CAPRIN1: variants seen among roughly 807,000 people sequenced by gnomAD.
CAPRIN1 encodes the protein cell cycle associated protein 1.
A neutral mutation model predicts 100.9 loss-of-function variants in CAPRIN1; 29 were observed. The ratio of observed to expected loss-of-function variants is 0.29; its 90% confidence interval spans 0.21 to 0.39. The LOEUF (loss-of-function observed/expected upper bound fraction) is 0.39. Ranked by LOEUF, CAPRIN1 falls within the 10% of genes least tolerant of loss-of-function variation. The pLI is 1.00. For synonymous variants in CAPRIN1, 338 were observed against 307.5 expected (o/e 1.10, Z -1.04); for missense variants, 795 against 876.7 (o/e 0.91, Z 1.18).
chr11:34,056,610 T>C (rs1850458532), intron 2 of CAPRIN1: 1 of 147,532 alleles, frequency 6.8e-6, no homozygotes, highest in African/African-American at 2.4e-5. Flanking sequence ...TAGTTTTCTT[T>C]ATCAGTTCAT....
chr11:34,094,225 G>A (rs953184679), intron 15 of CAPRIN1, among the ~76,000 whole-genome samples: 1 of 151,884 alleles, frequency 6.6e-6, no homozygotes, highest in Non-Finnish European at 1.5e-5. Context: ...TGCAACCTCC[G>A]CCTCTTAGGT....
In CAPRIN1 at chr11:34,052,444, C is replaced by G; in HGVS notation, c.24C>G (p.Ser8Arg). 1 of 1,607,068 alleles carries G rather than the reference C, an allele frequency of 6.2e-7. No individual in the cohort carries two copies. MPSATSH[S>R]GSGSKSSGPP... Reference sequence around the variant, plus strand: ...AGATGCCCTCGGCCACCAGCCACAGCGGGAGCGGCAGCAAGTCGTCCGGAC... The same window carrying G: ...AGATGCCCTCGGCCACCAGCCACAGGGGGAGCGGCAGCAAGTCGTCCGGAC... Residue 8 changes from serine (S) to arginine (R), a missense_variant, in exon 2 of 19, where the codon AGC (serine) becomes AGG (arginine). By Grantham distance (110) the Ser-to-Arg change is moderately radical. Transcript: ENST00000341394.
At chr11:34,059,308 G>A (rs976084415) in intron 2 of CAPRIN1, among the ~76,000 whole-genome samples, 6 of 145,038 alleles carry the variant, frequency 4.1e-5, no homozygotes, top group Non-Finnish European at 9.0e-5. Flanking sequence ...TTGCTGTGTC[G>A]CCCAGGCTGG....
chr11:34,082,740 C>T (rs921546942), intron 7 of CAPRIN1, 85 bp from the exon 8 acceptor site: 38 of 897,324 alleles, frequency 4.2e-5, no homozygotes, highest in South Asian at 2.6e-4. Flanking sequence ...TGCATAATGA[C>T]GTGTATCTAC....
rs146685829 is a variant in CAPRIN1 at position 34,082,541 on chromosome 11, G to T, written c.827-284G>T. 4.3e-3 allele frequency among the ~76,000 whole-genome samples: 656 copies of T among 152,298 alleles called. 6 individuals are homozygous for T. Among genetic ancestry groups the T allele is most frequent in the African/African-American group, 0.015 (617 of 41,574 alleles). On this transcript the variant is annotated intron_variant, in intron 7 of 18. Coordinates refer to ENST00000341394, the MANE Select transcript of CAPRIN1 (RefSeq NM_005898.5). Reference sequence around the variant, plus strand: ...CTCACAGCAAAACTGAACAGAAGGTGTAGAGATTTCCCATTTACTTTCTAC... The same window carrying T: ...CTCACAGCAAAACTGAACAGAAGGTTTAGAGATTTCCCATTTACTTTCTAC...
chr11:34,066,840 G>A (rs1242472917), intron 2 of CAPRIN1, among the ~76,000 whole-genome samples: 4 of 149,562 alleles, frequency 2.7e-5, no homozygotes, highest in Non-Finnish European at 5.9e-5. Context: ...CACCATGTTG[G>A]CCAGGCTGGT....
At chr11:34,081,618 C>G (rs144300970) in intron 7 of CAPRIN1, among the ~76,000 whole-genome samples, 1 of 151,992 alleles carries the variant, frequency 6.6e-6, no homozygotes, top group Non-Finnish European at 1.5e-5. Flanking sequence ...TTTAGCCTCT[C>G]GAGTAGCTGG....
At chr11:34,052,985 C>T (rs1157125016) in intron 2 of CAPRIN1, 4 of 1,065,180 alleles carry the variant, frequency 3.8e-6, no homozygotes, top group East Asian at 9.2e-5. Flanking sequence ...CTTTCCGTCT[C>T]TGAGGCCCGA....
At position 34,052,572 on chromosome 11, in the gene CAPRIN1, C is replaced by G. The variant is rs753794916; in HGVS notation, c.152C>G (p.Thr51Ser). 4 of 1,610,928 alleles carry G rather than the reference C, an allele frequency of 2.5e-6. No homozygotes were observed. Among genetic ancestry groups the G allele is most frequent in the East Asian group, 2.2e-5 (1 of 44,782 alleles). Residue 51 changes from threonine to serine, a missense_variant, in exon 2 of 19, where the codon ACC becomes AGC. Physicochemically the swap from Thr to Ser is moderately conservative, Grantham distance 58 (BLOSUM62 1). This residue lies in a region of CAPRIN1 where 109 missense variants were observed against 86.6 expected (regional missense o/e 1.26). Coordinates refer to ENST00000341394, the MANE Select transcript of CAPRIN1 (RefSeq NM_005898.5). ...GCAACCGGCACCGGCGCTGTCCAGA[C>G]CGAGGCCATGAAGCAGATTCTCGGG... The part of the protein sequence containing the change: ...HPATGTGAVQ[T>S]EAMKQILGVI...
At chr11:34,085,802 T>C (rs1483516320) in intron 9 of CAPRIN1, among the ~76,000 whole-genome samples, 1 of 151,910 alleles carries the variant, frequency 6.6e-6, no homozygotes, top group East Asian at 1.9e-4. Flanking sequence ...AGATTCCGTC[T>C]CGAAAGAAAA....
intron 2 of CAPRIN1, among the ~76,000 whole-genome samples, chr11:34,060,338 AT>A (rs1177278411): frequency 6.6e-6 from 1 of 152,124 alleles, no homozygotes; most frequent in Admixed American, 6.6e-5. Context: ...TGTTCTAAAA[AT>A]ATTTTAATTT....
intron 6 of CAPRIN1, among the ~76,000 whole-genome samples, chr11:34,079,422 C>T (rs751744033): frequency 2.6e-5 from 4 of 152,094 alleles, no homozygotes; most frequent in South Asian, 4.2e-4. Context: ...ACAAAAACCC[C>T]GTAAAGTTTA....
chr11:34,052,323 C>G (rs1026345712), intron 1 of CAPRIN1, 98 bp from the exon 2 acceptor site: 7 of 1,019,426 alleles, frequency 6.9e-6, no homozygotes, highest in African/African-American at 1.7e-5. Context: ...GGCTACCGCT[C>G]GCTGCGCGTT....
At chr11:34,098,366 G>A (rs1469130394) in intron 18 of CAPRIN1, 1 of 984,952 alleles carries the variant, frequency 1.0e-6, no homozygotes, top group Admixed American at 6.2e-5. Context: ...AAAATTACAG[G>A]TTTAGAGAGT....
At position 34,089,456 on chromosome 11, in the gene CAPRIN1, G is replaced by A; in HGVS notation, c.1293G>A (p.Gln431=). 6.3e-7 allele frequency: 1 copy of A among 1,587,222 alleles called. No homozygotes were observed. Among genetic ancestry groups the A allele is most frequent in the Non-Finnish European group, 8.6e-7 (1 of 1,158,486 alleles). ...NQVPVQPEAT[Q]VPLVSSTSEG... ...TTCCTGTACAACCAGAAGCGACACA[G>A]GTAAGAGTGATAAAACTATTTTCTT... is the stretch of plus-strand genomic sequence containing the variant. Residue 431 remains glutamine, a splice_region_variant and synonymous_variant, in exon 12 of 19, where the codon CAG becomes CAA. Coordinates refer to ENST00000341394, the MANE Select transcript of CAPRIN1 (RefSeq NM_005898.5).
Position 34,056,086 on chromosome 11 carries a change from T to C in CAPRIN1, c.216+3450T>C, listed in dbSNP as rs944937059. ...AATAGGATTGCTTTACAAATCAGTTTTGAATTCCTCTTTAGAAACCCTTGT... is the reference window on the plus strand; with the variant it reads ...AATAGGATTGCTTTACAAATCAGTTCTGAATTCCTCTTTAGAAACCCTTGT... On this transcript the variant is annotated intron_variant, in intron 2 of 18. Transcript: ENST00000341394. 5.9e-5 allele frequency among the ~76,000 whole-genome samples: 9 copies of C among 152,320 alleles called. No homozygotes were observed. The East Asian group carries it at 1.7e-3, about 29-fold the overall frequency.
At chr11:34,097,952 C>T (rs929439823) in intron 18 of CAPRIN1, 191 bp downstream of exon 18, 49 of 1,352,602 alleles carry the variant, frequency 3.6e-5, no homozygotes, top group Non-Finnish European at 4.4e-5. Context: ...ATTTAATTTT[C>T]CCTGTTACTA....
At chr11:34,052,870 G>A in intron 2 of CAPRIN1, 2 of 1,411,752 alleles carry the variant, frequency 1.4e-6, no homozygotes, top group East Asian at 2.7e-5. Context: ...CTGTACCCCA[G>A]GCCTCTTTAT....
rs867402059 is a variant in CAPRIN1, at chr11:34,090,189, T to A, written c.1304T>A (p.Val435Glu). The change falls in exon 13 of 19, where the codon GTA (valine) becomes GAA (glutamate). Residue 435 changes from valine (V) to glutamate (E), a missense_variant. Around this residue, in one of 3 missense-constraint regions of CAPRIN1, gnomAD observed 648 missense variants for 697.9 expected, o/e 0.93. Transcript: ENST00000341394. ...TTTACTTATGTCTAGGTTCCTTTGGTATCATCCACAAGTGAGGGGTACACA... is the reference window on the plus strand; with the variant it reads ...TTTACTTATGTCTAGGTTCCTTTGGAATCATCCACAAGTGAGGGGTACACA... ...VQPEATQVPL[V>E]SSTSEGYTAS... 1 of 1,608,286 alleles carries A rather than the reference T, an allele frequency of 6.2e-7. No homozygotes were observed. Among genetic ancestry groups the A allele is most frequent in the Non-Finnish European group, 8.5e-7 (1 of 1,175,056 alleles).
Sources: gnomAD v4.1 joint callset for allele counts (sites outside exome capture counted in the v4.1 genomes callset) on GRCh38, gnomAD v4.1.1 for gene constraint, gnomAD v4.1.1 regional missense constraint, MANE v1.5 for transcripts, NCBI Gene and HGNC (gene_info 2026-07-23, HGNC 2026-07-21) for gene names.